Variants in NUS1 observed in about 807,000 individuals in gnomAD.
NUS1 encodes dehydrodolichyl diphosphate synthase complex subunit NUS1.
For synonymous variants in NUS1, 135 were observed against 155.2 expected (o/e 0.87, Z 0.97); for missense variants, 292 against 382.9 (o/e 0.76, Z 1.98).
intron 3 of NUS1, 130 bp from the exon 4 acceptor site, chr6:117,703,472 ACTT>A (rs1773457599): frequency 1.5e-6 from 1 of 677,212 alleles, no homozygotes; most frequent in Non-Finnish European, 2.6e-6. Context: ...TACAGATAAA[ACTT>A]CTGAAGAAAA....
intron 1 of NUS1, among the ~76,000 whole-genome samples, chr6:117,686,226 C>CTGT (rs1773137964): frequency 6.6e-6 from 1 of 152,030 alleles, no homozygotes; most frequent in South Asian, 2.1e-4. Flanking sequence ...CGCCACTGCA[C>CTGT]TCCAGCCTGG....
chr6:117,706,638 A>G (rs2114695712), intron 4 of NUS1, among the ~76,000 whole-genome samples: 1 of 152,282 alleles, frequency 6.6e-6, no homozygotes, highest in African/African-American at 2.4e-5. Flanking sequence ...CCCTCAGAGC[A>G]GAGGGAATAG....
chr6:117,692,976 C>T (rs962055189), intron 1 of NUS1, 66 bp from the exon 2 acceptor site: 1 of 1,317,888 alleles, frequency 7.6e-7, no homozygotes, highest in Non-Finnish European at 1.1e-6. Context: ...GTTTTCATAG[C>T]AAGCATTCAC....
At position 117,708,366 on chromosome 6, in the gene NUS1, C is replaced by A. The variant is rs1773530028; in HGVS notation, c.*1351C>A. 6.6e-6 allele frequency: 1 copy of A among 152,392 alleles called. No individual in the cohort carries two copies. The highest frequency in any genetic ancestry group is 1.9e-4 in the East Asian group (1 of 5,192). 9.4% of individuals were successfully genotyped at this position (152,392 alleles called of 1,614,324 possible). On this transcript the variant is annotated 3_prime_UTR_variant, in exon 5 of 5. Coordinates refer to ENST00000368494, the MANE Select transcript of NUS1 (RefSeq NM_138459.5). ...ACTGCTTTCAGAAAACCCTTATCAA[C>A]AAGTGTACAATACTTATCTAAAACT...
chr6:117,677,455 A>G (rs957387797), intron 1 of NUS1, among the ~76,000 whole-genome samples: 2 of 152,166 alleles, frequency 1.3e-5, no homozygotes, highest in African/African-American at 2.4e-5. Context: ...TTCTTTAAAG[A>G]TGTGAGAAGA....
intron 3 of NUS1, among the ~76,000 whole-genome samples, chr6:117,694,940 A>G (rs1773294544): frequency 1.3e-5 from 2 of 152,148 alleles, no homozygotes; most frequent in South Asian, 2.1e-4. Context: ...CACACTTGTA[A>G]TCCCAGCACT....
chr6:117,681,117 C>T (rs184964839), intron 1 of NUS1, among the ~76,000 whole-genome samples: 15 of 152,216 alleles, frequency 9.9e-5, no homozygotes, highest in African/African-American at 3.4e-4. Flanking sequence ...TCATCTTTTC[C>T]GAGTCAATCC....
At chr6:117,685,603 C>G (rs566785440) in intron 1 of NUS1, among the ~76,000 whole-genome samples, 3 of 152,092 alleles carry the variant, frequency 2.0e-5, no homozygotes, top group Non-Finnish European at 4.4e-5. Flanking sequence ...CCTCCCATCT[C>G]AGCCTCCCAA....
At chr6:117,706,672 A>G (rs994625560) in intron 4 of NUS1, among the ~76,000 whole-genome samples, 4 of 152,150 alleles carry the variant, frequency 2.6e-5, no homozygotes, top group African/African-American at 7.2e-5. Context: ...ACACTCGTCA[A>G]TAAACAGTGA....
In NUS1 at chr6:117,693,033, T is replaced by G. The variant is rs1328227461; in HGVS notation, c.416-9T>G. ...AGTTGTGTTTTACTTGCCTTTTTCT[T>G]TTTTAAAGGTATTTTCAAAAGAAAT... On this transcript the variant is annotated splice_polypyrimidine_tract_variant and intron_variant, in intron 1 of 4. Coordinates refer to ENST00000368494, the MANE Select transcript of NUS1 (RefSeq NM_138459.5). The G allele has an allele frequency of 3.1e-6, 5 of 1,598,896 alleles. No individual in the cohort carries two copies. In the Admixed American group the frequency reaches 5.1e-5, roughly 16 times the overall value.
rs529792696 is a variant in NUS1 at position 117,709,705 on chromosome 6, T to A, written c.*2690T>A. The A allele has an allele frequency of 6.6e-6, 1 of 152,586 alleles. No homozygotes were observed. Among genetic ancestry groups the A allele is most frequent in the Non-Finnish European group, 1.5e-5 (1 of 67,988 alleles). 9.5% of individuals were successfully genotyped at this position (152,586 alleles called of 1,614,324 possible). On this transcript the variant is annotated 3_prime_UTR_variant, in exon 5 of 5. Transcript: ENST00000368494. Reference sequence around the variant, plus strand: ...ATGGACTTTGACAATATGTAAATAATGTGTAAAGCCAGTTTTTATGATTAA... The same window carrying A: ...ATGGACTTTGACAATATGTAAATAAAGTGTAAAGCCAGTTTTTATGATTAA...
chr6:117,692,936 T>G, intron 1 of NUS1, 106 bp from the exon 2 acceptor site: 2 of 895,492 alleles, frequency 2.2e-6, no homozygotes. Context: ...CAGCTTTGTT[T>G]GACATTCGTT....
intron 1 of NUS1, among the ~76,000 whole-genome samples, chr6:117,682,274 TTTG>T (rs1255413942): frequency 1.3e-5 from 2 of 152,212 alleles, no homozygotes; most frequent in African/African-American, 4.8e-5. Context: ...TATGTACCCT[TTTG>T]TTTAACTATA....
chr6:117,681,806 A>G (rs1773065272), intron 1 of NUS1, among the ~76,000 whole-genome samples: 1 of 152,134 alleles, frequency 6.6e-6, no homozygotes, highest in African/African-American at 2.4e-5. Flanking sequence ...TTTTCTGGCA[A>G]AGGGCTAGCT....
intron 1 of NUS1, among the ~76,000 whole-genome samples, chr6:117,676,296 T>C (rs975201590): frequency 2.6e-5 from 4 of 152,192 alleles, no homozygotes; most frequent in Admixed American, 2.6e-4. Flanking sequence ...AAATATCCCT[T>C]GGCCGGGCGC....
At chr6:117,700,011 A>G (rs899914004) in intron 3 of NUS1, among the ~76,000 whole-genome samples, 1 of 152,180 alleles carries the variant, frequency 6.6e-6, no homozygotes, top group African/African-American at 2.4e-5. Flanking sequence ...TCAAATCAAA[A>G]TGCATAAAAG....
At chr6:117,684,302 TC>T in intron 1 of NUS1, among the ~76,000 whole-genome samples, 1 of 152,344 alleles carries the variant, frequency 6.6e-6, no homozygotes, top group East Asian at 1.9e-4. Context: ...TCCTGATATC[TC>T]CCATAATTCC....
rs964403829 is a variant in NUS1 at position 117,708,632 on chromosome 6, C to G, written c.*1617C>G. 5.4e-5 allele frequency: 8 copies of G among 148,834 alleles called. No homozygotes were observed. Among genetic ancestry groups the G allele is most frequent in the African/African-American group, 7.5e-5 (3 of 40,238 alleles). 9.2% of individuals were successfully genotyped at this position (148,834 alleles called of 1,614,324 possible). ...ACTTTGCACTGCATAATCCATTATA[C>G]GTTGTACGACTTTTTTTTTTTGTTT... On this transcript the variant is annotated 3_prime_UTR_variant, in exon 5 of 5. Transcript: ENST00000368494.
intron 1 of NUS1, among the ~76,000 whole-genome samples, chr6:117,692,734 C>T (rs1239780688): frequency 6.6e-6 from 1 of 152,096 alleles, no homozygotes; most frequent in Non-Finnish European, 1.5e-5. Flanking sequence ...GTTTAGGCCT[C>T]AGTTTCTGAA....
Sources: gnomAD v4.1 joint callset for allele counts (sites outside exome capture counted in the v4.1 genomes callset) on GRCh38, gnomAD v4.1.1 for gene constraint, MANE v1.5 for transcripts, NCBI Gene and HGNC (gene_info 2026-07-23, HGNC 2026-07-21) for gene names.